The following SLIT2 variants were observed in gnomAD, a reference collection of about 807,000 sequenced individuals.
SLIT2 encodes the protein slit homolog 2 protein.
SLIT2 carries 41 observed loss-of-function variants against 185.7 expected under a neutral mutation model. The observed-to-expected ratio is 0.22, with a 90% CI of 0.17 to 0.29. The LOEUF is 0.29. Among genes scored for constraint, SLIT2 ranks in the 10% least tolerant of loss-of-function variants. The pLI, the probability that SLIT2 is intolerant of heterozygous loss-of-function variation, is 1.00. For missense variants in SLIT2, 1,571 were observed against 1,909.0 expected (o/e 0.82, Z 3.30); for synonymous variants, 693 against 680.2 (o/e 1.02, Z -0.29).
chr4:20,474,628 G>A (rs951531918), intron 5 of SLIT2, among the ~76,000 whole-genome samples: 2 of 151,974 alleles, frequency 1.3e-5, no homozygotes, highest in Admixed American at 1.3e-4. Context: ...ATCATGCCAT[G>A]GCTGCTGTGT....
intron 4 of SLIT2, among the ~76,000 whole-genome samples, chr4:20,337,341 G>A (rs954539717): frequency 6.6e-6 from 1 of 152,092 alleles, no homozygotes; most frequent in African/African-American, 2.4e-5. Context: ...GCCATCAGAT[G>A]TCATGAGATG....
intron 4 of SLIT2, among the ~76,000 whole-genome samples, chr4:20,312,858 G>A (rs914353609): frequency 6.6e-6 from 1 of 151,404 alleles, no homozygotes; most frequent in African/African-American, 2.4e-5. Context: ...TCTTTAAATG[G>A]CAAATATAAA....
At chr4:20,392,536 ACT>A (rs1322825020) in intron 4 of SLIT2, among the ~76,000 whole-genome samples, 1 of 152,100 alleles carries the variant, frequency 6.6e-6, no homozygotes, top group Non-Finnish European at 1.5e-5. Context: ...TAATAAATTA[ACT>A]CTAGCATACT....
chr4:20,563,143 C>G (rs1035144267), intron 26 of SLIT2, among the ~76,000 whole-genome samples: 1 of 151,714 alleles, frequency 6.6e-6, no homozygotes, highest in African/African-American at 2.4e-5. Flanking sequence ...ACTTTCTTCT[C>G]ATTTTCTCTT....
intron 4 of SLIT2, among the ~76,000 whole-genome samples, chr4:20,403,834 T>C (rs1393205945): frequency 6.6e-6 from 1 of 151,592 alleles, no homozygotes; most frequent in Non-Finnish European, 1.5e-5. Flanking sequence ...CAGTTTTCTG[T>C]TTTATAATTG....
intron 4 of SLIT2, among the ~76,000 whole-genome samples, chr4:20,398,160 G>T (rs941000152): frequency 6.6e-6 from 1 of 151,768 alleles, no homozygotes; most frequent in African/African-American, 2.4e-5. Context: ...TGAGATCCCT[G>T]AAAAGTGGGG....
At chr4:20,513,464 C>G (rs1719930822) in intron 11 of SLIT2, among the ~76,000 whole-genome samples, 1 of 152,168 alleles carries the variant, frequency 6.6e-6, no homozygotes, top group Admixed American at 6.5e-5. Flanking sequence ...TATAACTACA[C>G]ACATTTGCAA....
chr4:20,376,960 A>G (rs1214249043), intron 4 of SLIT2, among the ~76,000 whole-genome samples: 1 of 152,126 alleles, frequency 6.6e-6, no homozygotes, highest in Non-Finnish European at 1.5e-5. Context: ...AACATGGCAC[A>G]TATATACCTA....
chr4:20,309,101 C>T (rs1717842528), intron 4 of SLIT2, among the ~76,000 whole-genome samples: 1 of 151,738 alleles, frequency 6.6e-6, no homozygotes, highest in South Asian at 2.1e-4. Flanking sequence ...AACCAGTTTC[C>T]TTGGGTTTTA....
At chr4:20,318,115 T>C (rs1278755685) in intron 4 of SLIT2, among the ~76,000 whole-genome samples, 1 of 152,176 alleles carries the variant, frequency 6.6e-6, no homozygotes, top group Admixed American at 6.5e-5. Flanking sequence ...ATTTTATGCT[T>C]GTTTCCAAAG....
At chr4:20,278,936 A>G (rs965986834) in intron 4 of SLIT2, among the ~76,000 whole-genome samples, 1 of 152,130 alleles carries the variant, frequency 6.6e-6, no homozygotes, top group Non-Finnish European at 1.5e-5. Context: ...ACATAGATAC[A>G]TGTATTTCTT....
intron 4 of SLIT2, among the ~76,000 whole-genome samples, chr4:20,332,749 A>C (rs1318856540): frequency 1.3e-5 from 2 of 152,060 alleles, no homozygotes; most frequent in African/African-American, 4.8e-5. Flanking sequence ...AATTATCCTC[A>C]GATTGTTGCA....
chr4:20,345,786 G>A (rs770663067), intron 4 of SLIT2, among the ~76,000 whole-genome samples: 2 of 151,676 alleles, frequency 1.3e-5, no homozygotes, highest in Non-Finnish European at 2.9e-5. Flanking sequence ...CACCCACCTC[G>A]GCCTCCCAAA....
At chr4:20,398,234 A>G (rs1317102866) in intron 4 of SLIT2, among the ~76,000 whole-genome samples, 1 of 151,802 alleles carries the variant, frequency 6.6e-6, no homozygotes, top group African/African-American at 2.4e-5. Context: ...ACAACAGAAG[A>G]TGGAGATGTT....
intron 4 of SLIT2, among the ~76,000 whole-genome samples, chr4:20,286,741 G>T (rs1577370947): frequency 6.6e-6 from 1 of 152,192 alleles, no homozygotes; most frequent in Non-Finnish European, 1.5e-5. Flanking sequence ...GGCAAAGGTT[G>T]CAGTGAGCTG....
At chr4:20,261,674 T>C (rs1363507977) in intron 3 of SLIT2, among the ~76,000 whole-genome samples, 1 of 151,876 alleles carries the variant, frequency 6.6e-6, no homozygotes, top group Admixed American at 6.6e-5. Flanking sequence ...TTTTGAAATT[T>C]TTTAGGGTTG....
intron 29 of SLIT2, among the ~76,000 whole-genome samples, chr4:20,586,668 TAC>T (rs1727091287): frequency 6.6e-6 from 1 of 152,196 alleles, no homozygotes; most frequent in Non-Finnish European, 1.5e-5. Context: ...GCTCATTAAG[TAC>T]ATAAACAAAT....
chr4:20,472,346 A>ACT (rs1715295738), intron 5 of SLIT2, among the ~76,000 whole-genome samples: 1 of 45,516 alleles, frequency 2.2e-5, no homozygotes, highest in African/African-American at 8.7e-5. Context: ...ATCTATATAT[A>ACT]GATATAGATA....
chr4:20,263,571 G>C (rs1712723602), intron 3 of SLIT2, among the ~76,000 whole-genome samples: 1 of 151,788 alleles, frequency 6.6e-6, no homozygotes. Context: ...ACTGTTGATT[G>C]TGGTTTCTAA....
Sources: gnomAD v4.1 joint callset for allele counts (sites outside exome capture counted in the v4.1 genomes callset) on GRCh38, gnomAD v4.1.1 for gene constraint, MANE v1.5 for transcripts, NCBI Gene and HGNC (gene_info 2026-07-23, HGNC 2026-07-21) for gene names.